The following TBK1 variants were observed in gnomAD, a reference collection of about 807,000 sequenced individuals.
TBK1 encodes TANK binding kinase 1.
Under a neutral mutation model 99.9 loss-of-function variants are expected in TBK1, and 37 were observed. The observed-to-expected ratio is 0.37, with a 90% CI of 0.28 to 0.49. The LOEUF (loss-of-function observed/expected upper bound fraction) is 0.49, where lower values mean the gene tolerates loss of function less well. Ranked by LOEUF, TBK1 falls within the 20% of genes least tolerant of loss-of-function variation. The probability of loss-of-function intolerance (pLI) is 0.98; values close to 1 mark genes in which losing one functional copy is unlikely to be tolerated. For synonymous variants in TBK1, 258 were observed against 279.8 expected (o/e 0.92, Z 0.78); for missense variants, 644 against 872.5 (o/e 0.74, Z 3.30).
intron 5 of TBK1, among the ~76,000 whole-genome samples, chr12:64,468,933 C>G (rs979841381): frequency 1.3e-5 from 2 of 152,000 alleles, no homozygotes; most frequent in Non-Finnish European, 2.9e-5. Context: ...CTCGGCAGTT[C>G]CCTCCATCTC....
chr12:64,501,222 A>T, intron 20 of TBK1, 108 bp from the exon 21 acceptor site: 2 of 1,044,326 alleles, frequency 1.9e-6, no homozygotes, highest in South Asian at 1.4e-5. Flanking sequence ...TAAACTCTTT[A>T]AAAATAAATA....
chr12:64,480,219 GATTTT>G, intron 7 of TBK1, 97 bp downstream of exon 7: 1 of 753,036 alleles, frequency 1.3e-6, no homozygotes, highest in Middle Eastern at 2.5e-4. Flanking sequence ...AGTGTAGTTT[GATTTT>G]ATTTTAATTA....
intron 2 of TBK1, among the ~76,000 whole-genome samples, chr12:64,456,566 C>T (rs1437175648): frequency 2.0e-5 from 3 of 152,226 alleles, no homozygotes; most frequent in East Asian, 1.9e-4. Context: ...AGGGGCCGGG[C>T]GCGGTGGCTC....
chr12:64,492,257 A>G (rs1005090150), intron 13 of TBK1, among the ~76,000 whole-genome samples: 6 of 152,216 alleles, frequency 3.9e-5, no homozygotes, highest in Non-Finnish European at 8.8e-5. Context: ...TGGGGATCTC[A>G]AAATGTTTCT....
chr12:64,472,755 A>G (rs2040674851), intron 5 of TBK1, among the ~76,000 whole-genome samples: 1 of 152,228 alleles, frequency 6.6e-6, no homozygotes, highest in African/African-American at 2.4e-5. Flanking sequence ...CTTGGGCCAC[A>G]CATAAAATAA....
intron 4 of TBK1, 142 bp downstream of exon 4, chr12:64,464,605 C>T (rs2040583728): frequency 1.6e-6 from 1 of 620,862 alleles, no homozygotes; most frequent in East Asian, 3.5e-5. Context: ...ACCAGAAATA[C>T]ATAAATTGGA....
intron 12 of TBK1, 65 bp downstream of exon 12, chr12:64,488,653 A>G: frequency 3.5e-6 from 4 of 1,156,628 alleles, no homozygotes; most frequent in Non-Finnish European, 5.0e-6. Context: ...TATTTAAATG[A>G]CTTAGTTATC....
chr12:64,498,241 G>A lies in TBK1; in HGVS notation c.2138+202G>A, dbSNP rs184215064. ...CATTTTATAGAAGCACTGGTTAATCGAATTACTTATTTGAATCAGTTTGTA... is the reference window on the plus strand; with the variant it reads ...CATTTTATAGAAGCACTGGTTAATCAAATTACTTATTTGAATCAGTTTGTA... On this transcript the variant is annotated intron_variant, in intron 20 of 20. Coordinates refer to ENST00000331710, the MANE Select transcript of TBK1 (RefSeq NM_013254.4). Among the ~76,000 whole-genome samples, 386 of 152,212 alleles carry A rather than the reference G, an allele frequency of 2.5e-3. 5 individuals carry two copies. The highest frequency in any genetic ancestry group is 0.024 in the Admixed American group (367 of 15,288).
intron 13 of TBK1, among the ~76,000 whole-genome samples, chr12:64,493,148 C>T (rs2040888345): frequency 6.6e-6 from 1 of 151,810 alleles, no homozygotes; most frequent in Admixed American, 6.6e-5. Flanking sequence ...CCCACGTCGG[C>T]CTCCCAAAGT....
intron 13 of TBK1, among the ~76,000 whole-genome samples, chr12:64,494,855 A>G (rs2136086604): frequency 6.6e-6 from 1 of 152,350 alleles, no homozygotes; most frequent in Admixed American, 6.5e-5. Context: ...TACTGACAAC[A>G]TTATTTGAAA....
At position 64,485,994 on chromosome 12, in the gene TBK1, G is replaced by T; in HGVS notation, c.1317G>T (p.Met439Ile). Reference protein sequence around the residue: ...ASTLLLYQELMRKGIRWLIEL... With the variant: ...ASTLLLYQELIRKGIRWLIEL... ...CCTTACTGCTTTATCAGGAATTAAT[G>T]CGAAAGGGGATACGATGGCTGATGT... The change falls in exon 11 of 21, where the codon ATG (methionine) becomes ATT (isoleucine). Residue 439 changes from methionine to isoleucine, a missense_variant. Around this residue, in one of 3 missense-constraint regions of TBK1, gnomAD observed 465 missense variants for 588.0 expected, o/e 0.79. Coordinates refer to ENST00000331710, the MANE Select transcript of TBK1 (RefSeq NM_013254.4). The T allele has an allele frequency of 1.3e-6, 2 of 1,590,918 alleles. No homozygotes were observed. Among genetic ancestry groups the T allele is most frequent in the Non-Finnish European group, 1.7e-6 (2 of 1,169,480 alleles).
intron 5 of TBK1, 115 bp downstream of exon 5, chr12:64,467,197 ATTTTC>A (rs2040615545): frequency 3.8e-6 from 3 of 793,802 alleles, no homozygotes; most frequent in Non-Finnish European, 5.5e-6. Context: ...CAAAAATTAA[ATTTTC>A]TATTCTAATG....
In TBK1 at chr12:64,496,941, A is replaced by T. The variant is rs1236407817; in HGVS notation, c.1761-8A>T. ...TGGTTTAAGCCTCTGATTATTTCTAAATTACAGGCAAAAACTGTATTACCA... is the reference window on the plus strand; with the variant it reads ...TGGTTTAAGCCTCTGATTATTTCTATATTACAGGCAAAAACTGTATTACCA... On this transcript the variant is annotated splice_region_variant and splice_polypyrimidine_tract_variant and intron_variant, in intron 16 of 20. Transcript: ENST00000331710. The T allele has an allele frequency of 6.2e-7, 1 of 1,602,192 alleles. No individual in the cohort carries two copies. Among genetic ancestry groups the T allele is most frequent in the Non-Finnish European group, 8.5e-7 (1 of 1,173,842 alleles).
intron 12 of TBK1, among the ~76,000 whole-genome samples, chr12:64,489,793 G>A (rs915700682): frequency 1.3e-5 from 2 of 150,628 alleles, no homozygotes; most frequent in Admixed American, 1.3e-4. Flanking sequence ...AGCCAGGATG[G>A]TCTCCATCTC....
At chr12:64,484,268 C>A in intron 8 of TBK1, 35 bp from the exon 9 acceptor site, 1 of 1,428,854 alleles carries the variant, frequency 7.0e-7, no homozygotes, top group Non-Finnish European at 9.7e-7. Flanking sequence ...ACTTTATCCC[C>A]AGTTATAGTG....
intron 16 of TBK1, 63 bp downstream of exon 16, chr12:64,496,469 T>C: frequency 3.8e-6 from 3 of 792,530 alleles, no homozygotes; most frequent in Non-Finnish European, 5.8e-6. Flanking sequence ...TTTATTAATA[T>C]GATTCTTCTT....
intron 8 of TBK1, among the ~76,000 whole-genome samples, chr12:64,483,394 A>G (rs533748308): frequency 1.3e-5 from 2 of 152,344 alleles, no homozygotes; most frequent in South Asian, 4.1e-4. Flanking sequence ...TCATTGATCT[A>G]TTCATGGGGA....
chr12:64,466,779 C>A, intron 4 of TBK1, 122 bp from the exon 5 acceptor site: 1 of 589,114 alleles, frequency 1.7e-6, no homozygotes, highest in Non-Finnish European at 2.5e-6. Context: ...AGTAAAATTA[C>A]TTTGAACCAA....
chr12:64,454,673 T>G (rs1404411262), intron 1 of TBK1, among the ~76,000 whole-genome samples: 1 of 7,510 alleles, frequency 1.3e-4, no homozygotes, highest in Non-Finnish European at 4.8e-4. Context: ...AACTCAGATC[T>G]TTTTTTTTTT....
Sources: allele counts gnomAD v4.1 joint callset (sites outside exome capture counted in the v4.1 genomes callset), GRCh38; gene constraint gnomAD v4.1.1; regional missense constraint gnomAD v4.1.1; transcripts MANE v1.5; gene names NCBI Gene and HGNC (gene_info 2026-07-23, HGNC 2026-07-21).